The following NFIB variants were observed in gnomAD, a reference collection of about 807,000 sequenced individuals.
NFIB encodes the protein nuclear factor 1 B-type.
In NFIB, 11 loss-of-function variants were observed where a neutral mutation model predicts 61.5. The ratio of observed to expected loss-of-function variants is 0.18; its 90% CI spans 0.11 to 0.30. NFIB has a LOEUF of 0.30. Ranked by LOEUF, NFIB falls within the 10% of genes least tolerant of loss-of-function variation. NFIB has a pLI of 1.00. For synonymous variants in NFIB, 260 were observed against 216.5 expected, an observed-to-expected ratio of 1.20 and a Z score of -1.76; for missense variants, 471 against 608.9, an observed-to-expected ratio of 0.77 and a Z score of 2.38.
chr9:14,529,584 T>G, the NFIB span, among the ~76,000 whole-genome samples: 1 of 152,186 alleles, frequency 6.6e-6, no homozygotes, highest in Non-Finnish European at 1.5e-5. Context: ...CTAAATTCTC[T>G]CTCTTCCAAT....
chr9:14,441,508 T>C, the NFIB span, among the ~76,000 whole-genome samples: 1 of 152,256 alleles, frequency 6.6e-6, no homozygotes, highest in East Asian at 1.9e-4. Flanking sequence ...GATCCATCTA[T>C]ATCAAAACCC....
intron 2 of NFIB, among the ~76,000 whole-genome samples, chr9:14,256,185 A>G (rs760593321): frequency 6.6e-5 from 10 of 152,214 alleles, no homozygotes; most frequent in Non-Finnish European, 1.0e-4. Flanking sequence ...ATGTAAAACC[A>G]ACAAAAACAC....
intron 1 of NFIB, among the ~76,000 whole-genome samples, chr9:14,370,219 A>G (rs1036089919): frequency 6.6e-6 from 1 of 152,124 alleles, no homozygotes; most frequent in African/African-American, 2.4e-5. Context: ...TCTTACCCCC[A>G]TCGGACTCAA....
At chr9:14,440,136 C>G in the NFIB span, among the ~76,000 whole-genome samples, 3 of 152,182 alleles carry the variant, frequency 2.0e-5, no homozygotes, top group Non-Finnish European at 2.9e-5. Flanking sequence ...TGGCTGAGCC[C>G]TCACATGCAT....
At chr9:14,143,991 A>AGTGTGTGTGTGTGT (rs141101627) in intron 6 of NFIB, among the ~76,000 whole-genome samples, 9,995 of 134,006 alleles carry the variant, frequency 0.075, 459 homozygotes, top group Non-Finnish European at 0.084. Context: ...AAAGTGACAG[A>AGTGTGTGTGTGTGT]GTGTGTGTGT....
chr9:14,359,564 C>T (rs146992976), intron 1 of NFIB, among the ~76,000 whole-genome samples: 40 of 152,252 alleles, frequency 2.6e-4, no homozygotes, highest in African/African-American at 9.4e-4. Context: ...CTAGTGGCCT[C>T]CATAAATGTG....
chr9:14,219,908 T>G (rs1486776160), intron 2 of NFIB, among the ~76,000 whole-genome samples: 1 of 152,208 alleles, frequency 6.6e-6, no homozygotes, highest in Non-Finnish European at 1.5e-5. Context: ...ACACTGGGAC[T>G]CTTATAACAA....
chr9:14,208,818 AC>A (rs1353650980), intron 2 of NFIB, among the ~76,000 whole-genome samples: 1 of 151,970 alleles, frequency 6.6e-6, no homozygotes, highest in Admixed American at 6.6e-5. Context: ...TTCTCAAACA[AC>A]TCCAGTATTA....
At chr9:14,134,458 A>G (rs2040764834) in intron 6 of NFIB, among the ~76,000 whole-genome samples, 2 of 152,174 alleles carry the variant, frequency 1.3e-5, no homozygotes, top group Non-Finnish European at 1.5e-5. Flanking sequence ...CAATCAGATT[A>G]GGCACAGAGT....
At chr9:14,214,369 C>T (rs1178997721) in intron 2 of NFIB, among the ~76,000 whole-genome samples, 2 of 152,216 alleles carry the variant, frequency 1.3e-5, no homozygotes, top group East Asian at 3.9e-4. Flanking sequence ...CTTCTGTCAC[C>T]ATCTTGAAAC....
At chr9:14,220,814 G>A (rs1253022750) in intron 2 of NFIB, among the ~76,000 whole-genome samples, 1 of 145,598 alleles carries the variant, frequency 6.9e-6, no homozygotes, top group African/African-American at 2.6e-5. Flanking sequence ...CGAAGTTTCT[G>A]CTCTATATCC....
intron 2 of NFIB, among the ~76,000 whole-genome samples, chr9:14,300,951 A>C (rs1470161563): frequency 2.0e-5 from 3 of 152,256 alleles, no homozygotes; most frequent in African/African-American, 7.2e-5. Flanking sequence ...CAAATTCAAA[A>C]GCAAAAAGTT....
chr9:14,210,040 A>G (rs2050153830), intron 2 of NFIB, among the ~76,000 whole-genome samples: 1 of 152,352 alleles, frequency 6.6e-6, no homozygotes, highest in East Asian at 1.9e-4. Context: ...TCATATAAAT[A>G]ACTACAACAA....
intron 1 of NFIB, among the ~76,000 whole-genome samples, chr9:14,344,919 A>G (rs1330983594): frequency 1.3e-5 from 2 of 152,164 alleles, no homozygotes; most frequent in Non-Finnish European, 2.9e-5. Flanking sequence ...CCAGCAGAAG[A>G]GGGGCTTTGA....
the NFIB span, among the ~76,000 whole-genome samples, chr9:14,444,576 A>G: frequency 7.9e-5 from 12 of 152,326 alleles, no homozygotes; most frequent in Non-Finnish European, 1.8e-4. Context: ...ATTTGTTTTC[A>G]TGATTAGATG....
intron 6 of NFIB, among the ~76,000 whole-genome samples, chr9:14,133,837 A>G (rs992182919): frequency 1.3e-5 from 2 of 152,222 alleles, no homozygotes; most frequent in African/African-American, 2.4e-5. Flanking sequence ...ATCTCCATGT[A>G]GAGAATGACA....
At chr9:14,150,038 A>C (rs1246042863) in intron 5 of NFIB, 107 bp downstream of exon 5, 2 of 1,477,838 alleles carry the variant, frequency 1.4e-6, no homozygotes, top group Non-Finnish European at 1.8e-6. Flanking sequence ...ACCAGCAAAA[A>C]TTATTTCCCA....
At chr9:14,167,643 A>G (rs150657921) in intron 3 of NFIB, among the ~76,000 whole-genome samples, 121 of 152,346 alleles carry the variant, frequency 7.9e-4, no homozygotes, top group African/African-American at 2.8e-3. Flanking sequence ...AGTGACCTAT[A>G]AAGAGTGGTT....
chr9:14,209,341 C>T (rs1398564365), intron 2 of NFIB, among the ~76,000 whole-genome samples: 1 of 152,168 alleles, frequency 6.6e-6, no homozygotes, highest in Admixed American at 6.5e-5. Context: ...AATGCAATGA[C>T]GGGCACTGAC....
Sources: gnomAD v4.1 joint callset for allele counts (sites outside exome capture counted in the v4.1 genomes callset) on GRCh38, gnomAD v4.1.1 for gene constraint, MANE v1.5 for transcripts, NCBI Gene and HGNC (gene_info 2026-07-23, HGNC 2026-07-21) for gene names.